Variants in RAPGEF1 observed in about 807,000 individuals in gnomAD.
RAPGEF1 encodes the protein Rap guanine nucleotide exchange factor 1.
RAPGEF1 carries 33 observed loss-of-function variants against 143.3 expected under a neutral mutation model. The ratio of observed to expected loss-of-function variants is 0.23; its 90% CI spans 0.17 to 0.31. The LOEUF (loss-of-function observed/expected upper bound fraction) is 0.31. Ranked by LOEUF, RAPGEF1 falls within the 10% of genes least tolerant of loss-of-function variation. RAPGEF1 has a pLI of 1.00. For synonymous variants in RAPGEF1, 629 were observed against 676.5 expected (o/e 0.93, Z 1.09); for missense variants, 1,199 against 1,645.4 (o/e 0.73, Z 4.69).
chr9:131,639,437 AGTGT>A (rs3837234), intron 4 of RAPGEF1, among the ~76,000 whole-genome samples: 11,656 of 149,114 alleles, frequency 0.078, 539 homozygotes, highest in African/African-American at 0.12. Flanking sequence ...AACGCAGGTG[AGTGT>A]GTGTGTGTGT....
chr9:131,614,107 C>G (rs768556886), intron 12 of RAPGEF1, among the ~76,000 whole-genome samples: 1 of 151,748 alleles, frequency 6.6e-6, no homozygotes. Flanking sequence ...GTGGACCGTG[C>G]AAAGGGAGGG....
intron 1 of RAPGEF1, among the ~76,000 whole-genome samples, chr9:131,732,089 T>C (rs1353450577): frequency 2.0e-5 from 3 of 152,174 alleles, no homozygotes; most frequent in Non-Finnish European, 4.4e-5. Context: ...AAGAAAATAC[T>C]GCCCATGCCT....
intron 12 of RAPGEF1, among the ~76,000 whole-genome samples, chr9:131,607,915 G>T (rs1035047935): frequency 1.3e-5 from 2 of 152,330 alleles, no homozygotes; most frequent in Non-Finnish European, 2.9e-5. Context: ...AGTTGGAGAA[G>T]TGTCTTCCTA....
chr9:131,653,834 G>A (rs1331203180), intron 1 of RAPGEF1, among the ~76,000 whole-genome samples: 1 of 152,202 alleles, frequency 6.6e-6, no homozygotes, highest in East Asian at 1.9e-4. Context: ...TCAAAGGAAA[G>A]TTCACAGCAA....
chr9:131,724,522 G>A (rs760799624), intron 1 of RAPGEF1, among the ~76,000 whole-genome samples: 14 of 152,246 alleles, frequency 9.2e-5, no homozygotes, highest in Admixed American at 5.2e-4. Flanking sequence ...GTGAACCCGG[G>A]AGGCGGAGCT....
At chr9:131,713,086 G>A (rs939731797) in intron 1 of RAPGEF1, among the ~76,000 whole-genome samples, 5 of 152,162 alleles carry the variant, frequency 3.3e-5, no homozygotes, top group African/African-American at 1.2e-4. Context: ...AAATTTTTCT[G>A]ATTCTTCACA....
intron 15 of RAPGEF1, 57 bp downstream of exon 15, chr9:131,602,004 C>T (rs1956346201): frequency 4.4e-6 from 6 of 1,361,050 alleles, no homozygotes; most frequent in Non-Finnish European, 5.0e-6. Flanking sequence ...TCAGGCAGGC[C>T]TCATGAGTGG....
At chr9:131,593,570 C>T (rs570761985) in intron 17 of RAPGEF1, among the ~76,000 whole-genome samples, 7 of 152,316 alleles carry the variant, frequency 4.6e-5, no homozygotes, top group Non-Finnish European at 8.8e-5. Context: ...AGAGGAATCT[C>T]GAGGAACCCA....
At chr9:131,651,698 T>C (rs893245193) in intron 1 of RAPGEF1, among the ~76,000 whole-genome samples, 3 of 152,222 alleles carry the variant, frequency 2.0e-5, no homozygotes, top group Non-Finnish European at 4.4e-5. Context: ...CAAATACTAC[T>C]ACTAAGAAAG....
Position 131,628,363 on chromosome 9 carries a change from C to A in RAPGEF1, c.1017+186G>T, listed in dbSNP as rs942578523. On this transcript the variant is annotated intron_variant, in intron 8 of 26. Transcript: ENST00000683357. The surrounding 1 kb of genome is among the most constrained non-coding windows in gnomAD (Gnocchi z 5.7). ...TGGCTCTGCCCTCCCTGCCCTGACC[C>A]TTATCCCCATATGGGAACTTGGACC... is the stretch of plus-strand genomic sequence containing the variant. 6.6e-6 allele frequency among the ~76,000 whole-genome samples: 1 copy of A among 152,200 alleles called. No homozygotes were observed. Among genetic ancestry groups the A allele is most frequent in the Non-Finnish European group, 1.5e-5 (1 of 68,024 alleles).
At chr9:131,636,629 G>A (rs1340377342) in intron 5 of RAPGEF1, among the ~76,000 whole-genome samples, 1 of 152,206 alleles carries the variant, frequency 6.6e-6, no homozygotes, top group African/African-American at 2.4e-5. Context: ...TTCGATAGAA[G>A]GAAACCTTAA....
At chr9:131,595,143 A>G (rs1454218248) in intron 17 of RAPGEF1, among the ~76,000 whole-genome samples, 1 of 152,226 alleles carries the variant, frequency 6.6e-6, no homozygotes, top group African/African-American at 2.4e-5. Flanking sequence ...GAGTCGGCTC[A>G]GGCCGAGAAG....
At chr9:131,609,055 C>T (rs1004451621) in intron 12 of RAPGEF1, among the ~76,000 whole-genome samples, 4 of 152,110 alleles carry the variant, frequency 2.6e-5, no homozygotes, top group Non-Finnish European at 5.9e-5. Context: ...GATTTTAGAA[C>T]GGGAAGGGCT....
At position 131,638,643 on chromosome 9, in the gene RAPGEF1, C is replaced by T; in HGVS notation, c.643G>A (p.Gly215Arg). 1 of 1,614,018 alleles carries T rather than the reference C, an allele frequency of 6.2e-7. No homozygotes were observed. The highest frequency in any genetic ancestry group is 8.5e-7 in the Non-Finnish European group (1 of 1,179,876). Residue 215 changes from glycine (G) to arginine (R), a missense_variant, in exon 5 of 27, where the codon GGA (glycine) becomes AGA (arginine). Physicochemically the swap from Gly to Arg is moderately radical, Grantham distance 125. Transcript: ENST00000683357. ...GGAACCTGCACCGGTACCTTCACTCCATCCAGCACAGCCTTGATGACCCCC... is the reference window on the plus strand; with the variant it reads ...GGAACCTGCACCGGTACCTTCACTCTATCCAGCACAGCCTTGATGACCCCC... ...VKGVIKAVLD[G>R]VKELVRLTIE...
intron 12 of RAPGEF1, among the ~76,000 whole-genome samples, chr9:131,613,674 A>G (rs1036070011): frequency 1.3e-5 from 2 of 152,190 alleles, no homozygotes; most frequent in South Asian, 4.1e-4. Flanking sequence ...GCTATGTGCC[A>G]GGCATGGGGA....
chr9:131,689,860 A>AAGTTATGTT lies in RAPGEF1; in HGVS notation c.62-38920_62-38912dup, dbSNP rs1200864862. 3.2e-4 allele frequency among the ~76,000 whole-genome samples: 49 copies of AAGTTATGTT among 152,382 alleles called. 1 individual carries two copies. The highest frequency in any genetic ancestry group is 1.2e-4 in the Non-Finnish European group (8 of 68,042). ...GCCAGTAACTTGAAATCTTAAAGTC[A>AAGTTATGTT]AGTTATGTTAAGTAATAGTTATGAA... On this transcript the variant is annotated intron_variant, in intron 1 of 26. Coordinates refer to ENST00000683357, the MANE Select transcript of RAPGEF1 (RefSeq NM_001377935.1).
chr9:131,613,196 G>A (rs1200678684), intron 12 of RAPGEF1, among the ~76,000 whole-genome samples: 1 of 152,228 alleles, frequency 6.6e-6, no homozygotes, highest in Admixed American at 6.5e-5. Context: ...CGGGGCCCAG[G>A]GCACTGGGGC....
chr9:131,703,172 T>A (rs906730021), intron 1 of RAPGEF1, among the ~76,000 whole-genome samples: 7 of 152,202 alleles, frequency 4.6e-5, no homozygotes, highest in African/African-American at 1.4e-4. Context: ...TTTTATTTTT[T>A]AAAATTTTTT....
intron 1 of RAPGEF1, among the ~76,000 whole-genome samples, chr9:131,677,308 C>T (rs1373986112): frequency 6.6e-6 from 1 of 152,190 alleles, no homozygotes; most frequent in Non-Finnish European, 1.5e-5. Flanking sequence ...AATTAAAGAG[C>T]TCTGCATGCA....
Sources: allele counts gnomAD v4.1 joint callset (sites outside exome capture counted in the v4.1 genomes callset), GRCh38; gene constraint gnomAD v4.1.1; non-coding constraint Gnocchi (gnomAD v3.1); transcripts MANE v1.5; gene names NCBI Gene and HGNC (gene_info 2026-07-23, HGNC 2026-07-21).